DPP6: variants seen among roughly 807,000 people sequenced by gnomAD.
DPP6 encodes A-type potassium channel modulatory protein DPP6.
DPP6 carries 69 observed loss-of-function variants against 122.6 expected under a neutral mutation model. The observed-to-expected ratio is 0.56, with a 90% CI of 0.46 to 0.69. DPP6 has a LOEUF of 0.69. Among genes scored for constraint, DPP6 ranks in the 30% least tolerant of loss-of-function variants. The pLI is 0.00. For synonymous variants in DPP6, 418 were observed against 433.1 expected (o/e 0.97, Z 0.43); for missense variants, 928 against 1,116.9 (o/e 0.83, Z 2.41).
intron 5 of DPP6, among the ~76,000 whole-genome samples, chr7:154,608,244 C>T (rs1210346084): frequency 7.3e-5 from 11 of 149,794 alleles, no homozygotes; most frequent in African/African-American, 2.4e-4. Context: ...TCCCAAAGTG[C>T]CAGGATTACA....
At chr7:154,090,443 T>A (rs1305536493) in intron 1 of DPP6, among the ~76,000 whole-genome samples, 1 of 152,252 alleles carries the variant, frequency 6.6e-6, no homozygotes, top group Non-Finnish European at 1.5e-5. Context: ...TATGTGGATA[T>A]GCCTATTGAG....
intron 1 of DPP6, among the ~76,000 whole-genome samples, chr7:154,229,740 C>T (rs1800809744): frequency 6.6e-6 from 1 of 152,060 alleles, no homozygotes; most frequent in Non-Finnish European, 1.5e-5. Context: ...TTTGTTCTTG[C>T]TGCAATTTTA....
the DPP6 span, among the ~76,000 whole-genome samples, chr7:153,817,746 T>G: frequency 9.0e-6 from 1 of 111,526 alleles, no homozygotes; most frequent in Non-Finnish European, 1.7e-5. Flanking sequence ...GTGGGGAACA[T>G]CACACACCAG....
chr7:154,588,330 G>A, intron 5 of DPP6: 1 of 574,916 alleles, frequency 1.7e-6, no homozygotes, highest in Non-Finnish European at 2.8e-6. Flanking sequence ...TGGCTCTCCT[G>A]GATTCCCTCA....
At chr7:154,354,168 T>A (rs1028338909) in intron 1 of DPP6, among the ~76,000 whole-genome samples, 7 of 152,152 alleles carry the variant, frequency 4.6e-5, no homozygotes, top group African/African-American at 1.7e-4. Flanking sequence ...ACCTAAACCC[T>A]TCTTCTCAGC....
At chr7:153,885,520 C>G (rs1387147248), upstream of DPP6, among the ~76,000 whole-genome samples, 1 of 152,138 alleles carries the variant, frequency 6.6e-6, no homozygotes, top group South Asian at 2.1e-4. Flanking sequence ...CATCTGTGAA[C>G]CAGAAATCAG....
chr7:154,387,017 A>G (rs1165695196), intron 1 of DPP6, among the ~76,000 whole-genome samples: 1 of 152,202 alleles, frequency 6.6e-6, no homozygotes. Flanking sequence ...GTGAGGTTAC[A>G]GAAAGATCAA....
chr7:154,105,321 G>A (rs1180712973), intron 1 of DPP6, among the ~76,000 whole-genome samples: 1 of 152,288 alleles, frequency 6.6e-6, no homozygotes, highest in East Asian at 1.9e-4. Context: ...AAAATGAAAA[G>A]TGTGCTGATA....
intron 1 of DPP6, among the ~76,000 whole-genome samples, chr7:154,251,789 T>TG (rs1267559752): frequency 2.1e-5 from 2 of 96,466 alleles, no homozygotes. Context: ...TCCCACCTTC[T>TG]CCTGCCTGCC....
At chr7:153,956,958 A>AG (rs1405350927) in intron 1 of DPP6, among the ~76,000 whole-genome samples, 7 of 152,210 alleles carry the variant, frequency 4.6e-5, no homozygotes, top group Non-Finnish European at 1.0e-4. Flanking sequence ...GTTAAAAAAA[A>AG]TTCCGAAACC....
intron 4 of DPP6, among the ~76,000 whole-genome samples, chr7:154,561,433 C>T (rs1240994541): frequency 1.3e-5 from 2 of 151,794 alleles, no homozygotes; most frequent in Non-Finnish European, 2.9e-5. Context: ...GAAATCAATA[C>T]CAGAAAAAAT....
chr7:154,648,323 C>A (rs527296630), intron 6 of DPP6, among the ~76,000 whole-genome samples: 2 of 151,884 alleles, frequency 1.3e-5, no homozygotes, highest in South Asian at 4.2e-4. Context: ...ATGCGAAGCA[C>A]TGGGGATGGA....
chr7:153,923,225 G>C (rs567473498), intron 1 of DPP6, among the ~76,000 whole-genome samples: 1 of 152,304 alleles, frequency 6.6e-6, no homozygotes, highest in South Asian at 2.1e-4. Flanking sequence ...TCTTTATGTT[G>C]AAAATTATTG....
At chr7:154,800,601 C>T (rs1297882415) in intron 12 of DPP6, among the ~76,000 whole-genome samples, 2 of 152,192 alleles carry the variant, frequency 1.3e-5, no homozygotes. Flanking sequence ...GCGACACCTG[C>T]CCTAAATCCA....
At chr7:154,013,781 T>A (rs1353742726) in intron 1 of DPP6, among the ~76,000 whole-genome samples, 1 of 152,154 alleles carries the variant, frequency 6.6e-6, no homozygotes, top group Admixed American at 6.5e-5. Context: ...TCTATTTGTT[T>A]AGGAAATTCA....
At position 154,241,352 on chromosome 7, in the gene DPP6, C is replaced by T. The variant is rs1166444675; in HGVS notation, c.243+188289C>T. ...TAGGAGAGTACCTTCCTGTGTTTCC[C>T]TGTTTTATCCAAATTCTCAGTGTTT... On this transcript the variant is annotated intron_variant, in intron 1 of 25. Coordinates refer to ENST00000377770, the MANE Select transcript of DPP6 (RefSeq NM_130797.4). This position sits in a 1 kb window ranked among gnomAD's most constrained non-coding sequence, Gnocchi z 9.0. Among the ~76,000 whole-genome samples the T allele has an allele frequency of 1.3e-5, 2 of 152,016 alleles. No homozygotes were observed. The highest frequency in any genetic ancestry group is 2.9e-5 in the Non-Finnish European group (2 of 68,014).
At chr7:154,244,258 A>G (rs574223504) in intron 1 of DPP6, among the ~76,000 whole-genome samples, 1 of 152,194 alleles carries the variant, frequency 6.6e-6, no homozygotes, top group Non-Finnish European at 1.5e-5. Flanking sequence ...GAAGAAAAAA[A>G]TACAAATCTA....
chr7:154,120,521 G>A (rs1056578885), intron 1 of DPP6, among the ~76,000 whole-genome samples: 1 of 152,156 alleles, frequency 6.6e-6, no homozygotes, highest in African/African-American at 2.4e-5. Context: ...TGGGATAACA[G>A]GCTTGAGCCA....
chr7:154,722,491 C>T (rs1038698184), intron 7 of DPP6, among the ~76,000 whole-genome samples: 65 of 152,124 alleles, frequency 4.3e-4, no homozygotes, highest in African/African-American at 1.4e-3. Context: ...GGATTTGGGT[C>T]GCAGACTAGA....
Sources: gnomAD v4.1 joint callset for allele counts (sites outside exome capture counted in the v4.1 genomes callset) on GRCh38, gnomAD v4.1.1 for gene constraint, Gnocchi (gnomAD v3.1) non-coding constraint, MANE v1.5 for transcripts, NCBI Gene and HGNC (gene_info 2026-07-23, HGNC 2026-07-21) for gene names.